Variants in PNPLA7 observed in about 807,000 individuals in gnomAD.
The protein encoded by PNPLA7 is patatin like domain 7, lysophospholipase.
Under a neutral mutation model 161.7 loss-of-function variants are expected in PNPLA7, and 153 were observed. The ratio of observed to expected loss-of-function variants is 0.95; its 90% CI spans 0.83 to 1.08. The LOEUF is 1.08. Ranked by LOEUF, PNPLA7 falls within the 50% of genes least tolerant of loss-of-function variation. The probability of loss-of-function intolerance (pLI) is 0.00; values close to 1 mark genes in which losing one functional copy is unlikely to be tolerated. For missense variants in PNPLA7, 1,739 were observed against 1,856.6 expected, an observed-to-expected ratio of 0.94 and a Z score of 1.16; for synonymous variants, 809 against 782.1, an observed-to-expected ratio of 1.03 and a Z score of -0.57.
At chr9:137,515,353 G>T (rs1298403540) in intron 12 of PNPLA7, 26 bp downstream of exon 12, 12 of 1,592,518 alleles carry the variant, frequency 7.5e-6, no homozygotes, top group South Asian at 1.1e-5. Context: ...GGTCACACTG[G>T]CTGGGCAGCC....
intron 19 of PNPLA7, among the ~76,000 whole-genome samples, chr9:137,494,550 C>T (rs917954433): frequency 3.3e-5 from 5 of 152,024 alleles, no homozygotes; most frequent in South Asian, 2.1e-4. Flanking sequence ...CACCCTCACC[C>T]GCGCCCTCAC....
In PNPLA7 at chr9:137,515,387, G is replaced by GC. The variant is rs1268295471; in HGVS notation, c.1216dup (p.Ala406GlyfsTer12). 8.7e-6 allele frequency: 14 copies of GC among 1,603,390 alleles called. No homozygotes were observed. The highest frequency in any genetic ancestry group is 1.3e-5 in the African/African-American group (1 of 74,842). On this transcript the variant is annotated frameshift_variant, in exon 12 of 35. Coordinates refer to ENST00000406427, the MANE Select transcript of PNPLA7 (RefSeq NM_001098537.3). LOFTEE classifies it high-confidence loss of function. ...CCGTCGAGGTTCTTTACCTTGTGGGGCCGAAGGGTCAGGGTCACCTGCCCC... is the reference window on the plus strand; with the variant it reads ...CCGTCGAGGTTCTTTACCTTGTGGGGCCCGAAGGGTCAGGGTCACCTGCCCC...
chr9:137,536,468 G>A (rs1427417555), intron 8 of PNPLA7, among the ~76,000 whole-genome samples: 2 of 152,066 alleles, frequency 1.3e-5, no homozygotes, highest in African/African-American at 4.8e-5. Flanking sequence ...GGAGCCGCTG[G>A]TTCAGGCGTG....
chr9:137,499,733 G>A lies in PNPLA7; in HGVS notation c.1757+958C>T, dbSNP rs1333969358. 6.6e-6 allele frequency among the ~76,000 whole-genome samples: 1 copy of A among 152,254 alleles called. No homozygotes were observed. Among genetic ancestry groups the A allele is most frequent in the Non-Finnish European group, 1.5e-5 (1 of 68,048 alleles). On this transcript the variant is annotated intron_variant, in intron 16 of 34. Coordinates refer to ENST00000406427, the MANE Select transcript of PNPLA7 (RefSeq NM_001098537.3). The surrounding 1 kb of genome is among the most constrained non-coding windows in gnomAD (Gnocchi z 5.5). ...TTGCCCGGCTCGGGGTCCCCAGGCTGAAGCAGCAACGGCGCGGTGCCATTT... is the reference window on the plus strand; with the variant it reads ...TTGCCCGGCTCGGGGTCCCCAGGCTAAAGCAGCAACGGCGCGGTGCCATTT...
intron 25 of PNPLA7, among the ~76,000 whole-genome samples, chr9:137,477,559 C>G (rs1205162522): frequency 6.6e-6 from 1 of 152,110 alleles, no homozygotes; most frequent in African/African-American, 2.4e-5. Flanking sequence ...AAGCAATTCT[C>G]CTGCCTCAGC....
chr9:137,536,457 C>T (rs1486486281), intron 8 of PNPLA7, among the ~76,000 whole-genome samples: 3 of 152,012 alleles, frequency 2.0e-5, no homozygotes, highest in African/African-American at 2.4e-5. Context: ...AAAGCATTCA[C>T]GGAGCCGCTG....
Position 137,482,405 on chromosome 9 carries a change from G to T in PNPLA7, c.2348-1382C>A, listed in dbSNP as rs554952557. Reference sequence around the variant, plus strand: ...GCGGACGATGACTCAGCACCAAAAAGAACTGAGCTCCAGGCCAGGAAAAGG... The same window carrying T: ...GCGGACGATGACTCAGCACCAAAAATAACTGAGCTCCAGGCCAGGAAAAGG... On this transcript the variant is annotated intron_variant, in intron 21 of 34. Coordinates refer to ENST00000406427, the MANE Select transcript of PNPLA7 (RefSeq NM_001098537.3). Among the ~76,000 whole-genome samples the T allele has an allele frequency of 2.6e-5, 4 of 152,362 alleles. No individual in the cohort carries two copies. The South Asian group carries it at 8.3e-4, about 32-fold the overall frequency.
Position 137,515,465 on chromosome 9 carries a change from G to T in PNPLA7, c.1139C>A (p.Ser380Tyr), listed in dbSNP as rs1315697638. The change falls in exon 12 of 35, where the codon TCC (serine) becomes TAC (tyrosine). Residue 380 changes from serine to tyrosine, a missense_variant. By Grantham distance (144) the Ser-to-Tyr change is moderately radical. Transcript: ENST00000406427. Reference protein sequence around the residue: ...AAGPLLKRSHSVPAPSIRKQI... With the variant: ...AAGPLLKRSHYVPAPSIRKQI... ...TTTGCGAATGGAAGGCGCGGGGACGGAGTGGCTCCTCTTCAGCAGGGGCCC... is the reference window on the plus strand; with the variant it reads ...TTTGCGAATGGAAGGCGCGGGGACGTAGTGGCTCCTCTTCAGCAGGGGCCC... 2 of 1,587,400 alleles carry T rather than the reference G, an allele frequency of 1.3e-6. No homozygotes were observed. Among genetic ancestry groups the T allele is most frequent in the Non-Finnish European group, 1.7e-6 (2 of 1,168,662 alleles).
At chr9:137,514,923 C>CT (rs1476491126) in intron 12 of PNPLA7, among the ~76,000 whole-genome samples, 3 of 151,968 alleles carry the variant, frequency 2.0e-5, no homozygotes, top group Non-Finnish European at 4.4e-5. Context: ...TGTGGCTGGG[C>CT]TGTGGGCGGG....
chr9:137,461,358 TG>T, intron 33 of PNPLA7, 177 bp downstream of exon 33: 1 of 634,794 alleles, frequency 1.6e-6, no homozygotes, highest in Non-Finnish European at 2.6e-6. Flanking sequence ...CCCACTGCTG[TG>T]GGAACACGTG....
chr9:137,525,542 G>C (rs1234872598), intron 8 of PNPLA7, among the ~76,000 whole-genome samples: 3 of 152,204 alleles, frequency 2.0e-5, no homozygotes, highest in Non-Finnish European at 2.9e-5. Flanking sequence ...GAGGCGGAGA[G>C]AGAATGGGGA....
At position 137,542,622 on chromosome 9, in the gene PNPLA7, C is replaced by T. The variant is rs1836266511; in HGVS notation, c.666+20G>A. The stretch of plus-strand genomic sequence containing the variant: ...TAAATGCGCAGCCGCCTGACCCCGC[C>T]CCGCCGCCCTGCGACTCACAGTGTC... On this transcript the variant is annotated intron_variant, in intron 7 of 34. Transcript: ENST00000406427. 6.4e-7 allele frequency: 1 copy of T among 1,566,092 alleles called. No individual in the cohort carries two copies.
intron 19 of PNPLA7, among the ~76,000 whole-genome samples, chr9:137,493,807 C>T (rs1832897157): frequency 6.6e-6 from 1 of 152,254 alleles, no homozygotes; most frequent in African/African-American, 2.4e-5. Context: ...TTCCCAGCAA[C>T]TGTGGCTGCC....
chr9:137,480,045 C>T (rs147325081), intron 23 of PNPLA7, among the ~76,000 whole-genome samples: 81 of 152,370 alleles, frequency 5.3e-4, no homozygotes, highest in Middle Eastern at 3.4e-3. Flanking sequence ...GAAAAGGCTT[C>T]CCGCACCTGC....
At chr9:137,483,999 G>A (rs1832346165) in intron 21 of PNPLA7, among the ~76,000 whole-genome samples, 1 of 151,810 alleles carries the variant, frequency 6.6e-6, no homozygotes, top group African/African-American at 2.4e-5. Context: ...AATGGTGTGT[G>A]ATCTTGGCTC....
In PNPLA7 at chr9:137,543,714, C is replaced by T. The variant is rs376704060; in HGVS notation, c.365+10G>A. 3.8e-4 allele frequency: 616 copies of T among 1,613,646 alleles called. 1 individual carries two copies. The highest frequency in any genetic ancestry group is 4.9e-4 in the Non-Finnish European group (583 of 1,179,724). ...CTGGGGCAGGATGTGGTCTGAAGGA[C>T]ACACAGTACCTCTTGGCCAAAGACA... On this transcript the variant is annotated intron_variant, in intron 5 of 34. Transcript: ENST00000406427. The surrounding 1 kb of genome is among the most constrained non-coding windows in gnomAD (Gnocchi z 6.9).
chr9:137,501,126 G>A (rs548032885), intron 15 of PNPLA7, among the ~76,000 whole-genome samples: 102 of 152,306 alleles, frequency 6.7e-4, no homozygotes, highest in Non-Finnish European at 1.0e-3. Context: ...GCAGCGAGCC[G>A]GGCCTCGGAC....
rs771622868 is a variant in PNPLA7 at position 137,540,817 on chromosome 9, G to T, written c.667-95C>A. Reference sequence around the variant, plus strand: ...GCCCAGCCCAGGGCAGTGGGGCCACGGGCCTGCACCTCTGAGGCGCCATGA... The same window carrying T: ...GCCCAGCCCAGGGCAGTGGGGCCACTGGCCTGCACCTCTGAGGCGCCATGA... On this transcript the variant is annotated intron_variant, in intron 7 of 34. Transcript: ENST00000406427. The surrounding 1 kb of genome is among the most constrained non-coding windows in gnomAD (Gnocchi z 5.1). 66 of 1,110,144 alleles carry T rather than the reference G, an allele frequency of 5.9e-5. 1 individual carries two copies. In the East Asian group the frequency reaches 1.7e-3, roughly 28 times the overall value. 68.8% of individuals were successfully genotyped at this position (1,110,144 alleles called of 1,614,324 possible).
rs191629752 is a variant in PNPLA7 at position 137,484,889 on chromosome 9, C to A, written c.2198-153G>T. Among the ~76,000 whole-genome samples the A allele has an allele frequency of 7.2e-4, 105 of 145,140 alleles. No individual in the cohort carries two copies. The East Asian group carries it at 0.017, about 23-fold the overall frequency. The stretch of plus-strand genomic sequence containing the variant: ...CCTCCCCAGTCCTGAGGCTGCCTGG[C>A]CCTCCCGCCTCCCCAGTCCTGAGGC... On this transcript the variant is annotated intron_variant, in intron 20 of 34. Coordinates refer to ENST00000406427, the MANE Select transcript of PNPLA7 (RefSeq NM_001098537.3).
Sources: allele counts gnomAD v4.1 joint callset (sites outside exome capture counted in the v4.1 genomes callset), GRCh38; gene constraint gnomAD v4.1.1; non-coding constraint Gnocchi (gnomAD v3.1); transcripts MANE v1.5; gene names NCBI Gene and HGNC (gene_info 2026-07-23, HGNC 2026-07-21).